Variants in IQCJ observed in about 807,000 individuals in gnomAD.
The protein encoded by IQCJ is IQ motif containing J, also known as IQ domain-containing protein J.
A neutral mutation model predicts 11.0 loss-of-function variants in IQCJ; 9 were observed. The observed-to-expected ratio is 0.82, with a 90% CI of 0.49 to 1.43. The LOEUF (loss-of-function observed/expected upper bound fraction) is 1.43, where lower values mean the gene tolerates loss of function less well. Ranked by LOEUF, IQCJ falls within the 40% of genes most tolerant of loss-of-function variation. IQCJ has a pLI of 0.00. For synonymous variants in IQCJ, 55 were observed against 51.3 expected, an observed-to-expected ratio of 1.07 and a Z score of -0.31; for missense variants, 146 against 133.2, an observed-to-expected ratio of 1.10 and a Z score of -0.47.
chr3:159,120,907 C>T (rs1483604655), intron 1 of IQCJ, among the ~76,000 whole-genome samples: 2 of 152,106 alleles, frequency 1.3e-5, no homozygotes, highest in Admixed American at 1.3e-4. Context: ...TTCATTGTGC[C>T]CAGATGGCTG....
intron 1 of IQCJ, among the ~76,000 whole-genome samples, chr3:159,209,666 G>A (rs773627707): frequency 6.6e-5 from 10 of 152,108 alleles, no homozygotes; most frequent in East Asian, 3.9e-4. Flanking sequence ...TCCTGCCAGC[G>A]CCTAACAGCA....
At chr3:159,265,516 G>A, downstream of IQCJ, 1 of 817,240 alleles carries the variant, frequency 1.2e-6, no homozygotes, top group Non-Finnish European at 1.9e-6. Flanking sequence ...GAACTTCTGT[G>A]TTAAAAGCCT....
chr3:159,204,451 T>A (rs986975337), intron 1 of IQCJ, among the ~76,000 whole-genome samples: 2 of 152,230 alleles, frequency 1.3e-5, no homozygotes, highest in East Asian at 1.9e-4. Flanking sequence ...ACAGTTGAAG[T>A]TGGCCAGTCA....
intron 1 of IQCJ, among the ~76,000 whole-genome samples, chr3:159,156,845 C>G (rs1429184381): frequency 6.6e-6 from 1 of 152,142 alleles, no homozygotes; most frequent in Non-Finnish European, 1.5e-5. Context: ...GATATTTGAG[C>G]CTATCCAATG....
intron 1 of IQCJ, among the ~76,000 whole-genome samples, chr3:159,087,454 C>G (rs1018351928): frequency 1.3e-5 from 2 of 150,180 alleles, no homozygotes; most frequent in Non-Finnish European, 3.0e-5. Context: ...GGGAGGATTT[C>G]CTCTTTTTCT....
chr3:159,128,989 A>G (rs1719836674), intron 1 of IQCJ, among the ~76,000 whole-genome samples: 1 of 152,070 alleles, frequency 6.6e-6, no homozygotes, highest in Non-Finnish European at 1.5e-5. Context: ...TGTTTGCTAA[A>G]ATCTTATCCA....
intron 1 of IQCJ, among the ~76,000 whole-genome samples, chr3:159,162,773 C>T (rs927018706): frequency 2.2e-4 from 34 of 152,064 alleles, no homozygotes; most frequent in South Asian, 4.1e-4. Flanking sequence ...TACAAACTAC[C>T]GTCAGAGAAT....
intron 1 of IQCJ, among the ~76,000 whole-genome samples, chr3:159,124,330 A>G (rs1719549634): frequency 6.6e-6 from 1 of 152,156 alleles, no homozygotes; most frequent in Admixed American, 6.5e-5. Flanking sequence ...CTTTCAAACC[A>G]ATGTTGAATC....
chr3:159,240,222 A>G (rs986362380), intron 1 of IQCJ, among the ~76,000 whole-genome samples: 1 of 152,190 alleles, frequency 6.6e-6, no homozygotes, highest in Non-Finnish European at 1.5e-5. Context: ...TAATCTATCT[A>G]TCTATCATCT....
At chr3:159,205,946 C>G (rs1302839368) in intron 1 of IQCJ, among the ~76,000 whole-genome samples, 1 of 152,198 alleles carries the variant, frequency 6.6e-6, no homozygotes, top group Non-Finnish European at 1.5e-5. Flanking sequence ...CCACCTTTCA[C>G]TTGTCAGAAA....
chr3:159,147,610 TGAA>T (rs1201523634), intron 1 of IQCJ, among the ~76,000 whole-genome samples: 1 of 152,210 alleles, frequency 6.6e-6, no homozygotes, highest in African/African-American at 2.4e-5. Flanking sequence ...TCTTTCTTTC[TGAA>T]GAAGGTGTGG....
intron 1 of IQCJ, among the ~76,000 whole-genome samples, chr3:159,107,209 G>C (rs1718320510): frequency 6.6e-6 from 1 of 152,218 alleles, no homozygotes; most frequent in South Asian, 2.1e-4. Flanking sequence ...TTAGGAGGTA[G>C]GGCCTTCAGA....
At chr3:159,261,304 G>GTTAACTCC (rs1288803658) in intron 3 of IQCJ, among the ~76,000 whole-genome samples, 2 of 152,202 alleles carry the variant, frequency 1.3e-5, no homozygotes, top group Non-Finnish European at 2.9e-5. Context: ...CGCATGAACT[G>GTTAACTCC]TTAACTCCCA....
intron 1 of IQCJ, among the ~76,000 whole-genome samples, chr3:159,168,154 A>G (rs1464556697): frequency 6.6e-6 from 1 of 152,160 alleles, no homozygotes; most frequent in Non-Finnish European, 1.5e-5. Context: ...TTCAAAGTAC[A>G]TCTGCAGAAG....
At chr3:159,226,953 G>T (rs1212946775) in intron 1 of IQCJ, among the ~76,000 whole-genome samples, 1 of 152,158 alleles carries the variant, frequency 6.6e-6, no homozygotes, top group East Asian at 1.9e-4. Context: ...CTCTAAATTT[G>T]CTTTTGTTTG....
intron 1 of IQCJ, among the ~76,000 whole-genome samples, chr3:159,073,230 A>C (rs1424520417): frequency 6.6e-6 from 1 of 152,098 alleles, no homozygotes; most frequent in African/African-American, 2.4e-5. Flanking sequence ...GCTGTGGCTT[A>C]AAAGTTGAGG....
At chr3:159,119,619 G>A (rs1013895388) in intron 1 of IQCJ, among the ~76,000 whole-genome samples, 1 of 152,184 alleles carries the variant, frequency 6.6e-6, no homozygotes, top group Non-Finnish European at 1.5e-5. Context: ...AAAGCCAAGA[G>A]AAAGGAGACT....
chr3:159,078,110 A>T (rs1716057755), intron 1 of IQCJ, among the ~76,000 whole-genome samples: 1 of 79,770 alleles, frequency 1.3e-5, no homozygotes, highest in African/African-American at 3.0e-5. Flanking sequence ...AAATTCATGC[A>T]CTTAGAGAGG....
At chr3:159,174,730 AT>A (rs1302753573) in intron 1 of IQCJ, among the ~76,000 whole-genome samples, 10 of 152,100 alleles carry the variant, frequency 6.6e-5, no homozygotes, top group Non-Finnish European at 1.5e-4. Context: ...TTACACAGAA[AT>A]TTATTCATAA....
Sources: allele counts gnomAD v4.1 joint callset (sites outside exome capture counted in the v4.1 genomes callset), GRCh38; gene constraint gnomAD v4.1.1; transcripts MANE v1.5; gene names NCBI Gene and HGNC (gene_info 2026-07-23, HGNC 2026-07-21).